Variants in ARHGAP21 observed in about 807,000 individuals in gnomAD.
The protein encoded by ARHGAP21 is Rho GTPase activating protein 21.
ARHGAP21 carries 38 observed loss-of-function variants against 164.6 expected under a neutral mutation model. The ratio of observed to expected loss-of-function variants is 0.23; its 90% CI spans 0.18 to 0.30. The LOEUF (loss-of-function observed/expected upper bound fraction) is 0.30. Among genes scored for constraint, ARHGAP21 ranks in the 10% least tolerant of loss-of-function variants. ARHGAP21 has a pLI of 1.00. For missense variants in ARHGAP21, 1,822 were observed against 2,370.7 expected, an observed-to-expected ratio of 0.77 and a Z score of 4.81; for synonymous variants, 766 against 857.9, an observed-to-expected ratio of 0.89 and a Z score of 1.87.
At chr10:24,630,147 T>TA (rs1358547324) in intron 6 of ARHGAP21, 97 bp from the exon 7 acceptor site, 8 of 627,634 alleles carry the variant, frequency 1.3e-5, no homozygotes, top group Non-Finnish European at 2.1e-5. Flanking sequence ...TTTAAATTGT[T>TA]TAAGAGTTTA....
intron 4 of ARHGAP21, among the ~76,000 whole-genome samples, chr10:24,637,138 C>G (rs966417249): frequency 1.3e-5 from 2 of 152,206 alleles, no homozygotes; most frequent in Non-Finnish European, 2.9e-5. Flanking sequence ...TTTGAACCCT[C>G]AGGCCTGAAT....
intron 4 of ARHGAP21, among the ~76,000 whole-genome samples, chr10:24,663,635 TCTC>T (rs968515025): frequency 5.9e-5 from 9 of 152,202 alleles, no homozygotes; most frequent in African/African-American, 2.2e-4. Context: ...TTCAAGCGAT[TCTC>T]CTGCTTCAGC....
chr10:24,696,423 G>A (rs1005457269), intron 2 of ARHGAP21, among the ~76,000 whole-genome samples: 10 of 152,094 alleles, frequency 6.6e-5, no homozygotes, highest in South Asian at 2.1e-4. Context: ...CACACAGGAC[G>A]AAGAAGAGAG....
chr10:24,585,972 A>G lies in ARHGAP21; in HGVS notation c.4317T>C (p.Asn1439=). 1 of 1,614,142 alleles carries G rather than the reference A, an allele frequency of 6.2e-7. No individual in the cohort carries two copies. The highest frequency in any genetic ancestry group is 1.7e-5 in the Admixed American group (1 of 60,024). Residue 1439 remains asparagine (N), a synonymous_variant, in exon 26 of 26, where the codon AAT becomes AAC. Transcript: ENST00000396432. The part of the protein sequence containing the change: ...QPSSSEDELD[N]VFFKKENVEQ... ...CCACATTTTCTTTCTTAAAAAATAC[A>G]TTGTCCAGTTCATCTTCTGAGCTGC...
chr10:24,630,995 T>C (rs549981601), intron 6 of ARHGAP21, among the ~76,000 whole-genome samples: 231 of 152,308 alleles, frequency 1.5e-3, no homozygotes, highest in Middle Eastern at 3.4e-3. Flanking sequence ...TTCTGTAAAT[T>C]TCCTGTTGAA....
chr10:24,622,695 C>T, intron 8 of ARHGAP21, 38 bp downstream of exon 8: 1 of 1,593,080 alleles, frequency 6.3e-7, no homozygotes, highest in Non-Finnish European at 8.6e-7. Flanking sequence ...CAAAACATGA[C>T]TTAAAAAGCA....
At chr10:24,666,766 A>T (rs1840235958) in intron 4 of ARHGAP21, among the ~76,000 whole-genome samples, 1 of 152,192 alleles carries the variant, frequency 6.6e-6, no homozygotes, top group Non-Finnish European at 1.5e-5. Flanking sequence ...CATACAATTA[A>T]CAACAAAACC....
intron 13 of ARHGAP21, among the ~76,000 whole-genome samples, chr10:24,601,285 C>T (rs901502614): frequency 3.9e-5 from 6 of 152,204 alleles, no homozygotes; most frequent in African/African-American, 4.8e-5. Flanking sequence ...GAAAGACTTA[C>T]GTCTTAGAGC....
intron 8 of ARHGAP21, among the ~76,000 whole-genome samples, chr10:24,621,687 T>C (rs1834556387): frequency 6.6e-6 from 1 of 152,194 alleles, no homozygotes; most frequent in Non-Finnish European, 1.5e-5. Flanking sequence ...ATTCAAGCCT[T>C]CTGAGTTTCA....
At chr10:24,604,047 T>A (rs1055316580) in intron 12 of ARHGAP21, among the ~76,000 whole-genome samples, 2 of 20,226 alleles carry the variant, frequency 9.9e-5, no homozygotes, top group African/African-American at 1.8e-4. Context: ...AGAACAGGGG[T>A]GGGGTGGGGG....
intron 2 of ARHGAP21, among the ~76,000 whole-genome samples, chr10:24,689,914 ATATG>A (rs1367644199): frequency 2.1e-5 from 3 of 139,754 alleles, no homozygotes; most frequent in African/African-American, 5.7e-5. Context: ...ATACATGTAT[ATATG>A]TATATGTATG....
At chr10:24,684,523 C>G (rs1565159184) in intron 2 of ARHGAP21, among the ~76,000 whole-genome samples, 2 of 152,256 alleles carry the variant, frequency 1.3e-5, no homozygotes, top group East Asian at 1.9e-4. Flanking sequence ...TCTTAAATAA[C>G]TTAGATCTTG....
At chr10:24,714,271 A>C (rs1406897195) in intron 2 of ARHGAP21, 2 of 152,262 alleles carry the variant, frequency 1.3e-5, no homozygotes, top group African/African-American at 4.8e-5. Flanking sequence ...TTCACAAAGC[A>C]AAGAACAAAA....
chr10:24,596,686 T>C (rs1564971576), intron 17 of ARHGAP21, 54 bp downstream of exon 17: 6 of 1,610,502 alleles, frequency 3.7e-6, no homozygotes, highest in South Asian at 1.1e-5. Context: ...GATCCCATTA[T>C]AATCAAAACT....
chr10:24,670,004 C>T (rs1019519874), intron 3 of ARHGAP21, among the ~76,000 whole-genome samples: 1 of 152,148 alleles, frequency 6.6e-6, no homozygotes, highest in African/African-American at 2.4e-5. Flanking sequence ...TTTAGAATCA[C>T]TATGATCTTT....
chr10:24,616,057 C>T (rs1028733408), intron 9 of ARHGAP21, among the ~76,000 whole-genome samples: 3 of 152,054 alleles, frequency 2.0e-5, no homozygotes, highest in Admixed American at 6.6e-5. Flanking sequence ...GGATTACGGG[C>T]GCAAGCCACT....
chr10:24,707,614 G>A (rs892035359), intron 2 of ARHGAP21, among the ~76,000 whole-genome samples: 3 of 152,044 alleles, frequency 2.0e-5, no homozygotes, highest in Non-Finnish European at 2.9e-5. Flanking sequence ...AAACTTGCAC[G>A]ACCTCCTCTA....
At chr10:24,673,377 C>A (rs1840895117) in intron 2 of ARHGAP21, among the ~76,000 whole-genome samples, 2 of 152,184 alleles carry the variant, frequency 1.3e-5, no homozygotes, top group Non-Finnish European at 1.5e-5. Context: ...GACCCACAAC[C>A]ACATGATGCT....
intron 7 of ARHGAP21, among the ~76,000 whole-genome samples, chr10:24,627,109 A>C (rs1044574206): frequency 6.6e-6 from 1 of 152,180 alleles, no homozygotes; most frequent in Non-Finnish European, 1.5e-5. Flanking sequence ...GAGCACTTCT[A>C]AAATAATTTG....
Sources: allele counts gnomAD v4.1 joint callset (sites outside exome capture counted in the v4.1 genomes callset), GRCh38; gene constraint gnomAD v4.1.1; transcripts MANE v1.5; gene names NCBI Gene and HGNC (gene_info 2026-07-23, HGNC 2026-07-21).